The following KCNIP1 variants were observed in gnomAD, a reference collection of about 807,000 sequenced individuals.
KCNIP1 encodes the protein potassium voltage-gated channel interacting protein 1, also known as A-type potassium channel modulatory protein KCNIP1.
In KCNIP1, 18 loss-of-function variants were observed where a neutral mutation model predicts 33.0. The ratio of observed to expected loss-of-function variants is 0.55; its 90% CI spans 0.38 to 0.81. KCNIP1 has a LOEUF of 0.81. Among genes scored for constraint, KCNIP1 ranks in the 30% least tolerant of loss-of-function variants. KCNIP1 has a pLI of 0.00. For synonymous variants in KCNIP1, 93 were observed against 98.3 expected, an observed-to-expected ratio of 0.95 and a Z score of 0.32; for missense variants, 238 against 271.6, an observed-to-expected ratio of 0.88 and a Z score of 0.87.
At chr5:170,385,268 C>G in intron 1 of KCNIP1, 1 of 1,611,102 alleles carries the variant, frequency 6.2e-7, no homozygotes, top group Non-Finnish European at 8.5e-7. Flanking sequence ...GATGCCAGAC[C>G]CTTAGGAGAG....
At chr5:170,642,096 C>G (rs187092831) in intron 1 of KCNIP1, 1 of 152,272 alleles carries the variant, frequency 6.6e-6, no homozygotes, top group African/African-American at 2.4e-5. Flanking sequence ...TTTGGAGGGC[C>G]GGGCTTCTGA....
At chr5:170,531,465 CA>C (rs1755785725) in intron 1 of KCNIP1, among the ~76,000 whole-genome samples, 1 of 152,198 alleles carries the variant, frequency 6.6e-6, no homozygotes, top group Non-Finnish European at 1.5e-5. Flanking sequence ...TCACACAAGA[CA>C]GAAGTGCCTA....
At chr5:170,696,119 TCA>T (rs1762884072) in intron 1 of KCNIP1, among the ~76,000 whole-genome samples, 1 of 152,114 alleles carries the variant, frequency 6.6e-6, no homozygotes, top group Non-Finnish European at 1.5e-5. Context: ...CCTTTATGCT[TCA>T]CCTCGTAGTG....
intron 1 of KCNIP1, among the ~76,000 whole-genome samples, chr5:170,630,356 G>C (rs1357459209): frequency 3.3e-5 from 5 of 152,216 alleles, no homozygotes; most frequent in Non-Finnish European, 7.3e-5. Context: ...TGCATTCATT[G>C]TTCCTACTGT....
chr5:170,733,020 A>G, intron 6 of KCNIP1, 116 bp downstream of exon 6: 2 of 616,000 alleles, frequency 3.2e-6, no homozygotes, highest in Non-Finnish European at 5.9e-6. Flanking sequence ...TGGTAACAGA[A>G]AAGAATTATA....
intron 1 of KCNIP1, among the ~76,000 whole-genome samples, chr5:170,465,588 G>A (rs1756591916): frequency 6.6e-6 from 1 of 152,156 alleles, no homozygotes; most frequent in Non-Finnish European, 1.5e-5. Flanking sequence ...AATCTCAAGG[G>A]ACAGTCCACT....
At chr5:170,506,934 G>C (rs1754740229) in intron 1 of KCNIP1, among the ~76,000 whole-genome samples, 1 of 152,232 alleles carries the variant, frequency 6.6e-6, no homozygotes, top group Non-Finnish European at 1.5e-5. Context: ...CCTTCTATGG[G>C]AGGCAGCTTG....
At chr5:170,386,531 G>A (rs921542968) in intron 1 of KCNIP1, among the ~76,000 whole-genome samples, 2 of 152,128 alleles carry the variant, frequency 1.3e-5, no homozygotes, top group Non-Finnish European at 2.9e-5. Context: ...CTCCTTCCAC[G>A]GCACTTATCT....
At chr5:170,554,983 G>C (rs1237316307) in intron 1 of KCNIP1, among the ~76,000 whole-genome samples, 1 of 152,206 alleles carries the variant, frequency 6.6e-6, no homozygotes, top group Non-Finnish European at 1.5e-5. Flanking sequence ...GATTTGAGAA[G>C]CTGGCTGGCG....
intron 1 of KCNIP1, among the ~76,000 whole-genome samples, chr5:170,623,827 A>T (rs1759708537): frequency 6.6e-6 from 1 of 152,184 alleles, no homozygotes; most frequent in Non-Finnish European, 1.5e-5. Context: ...TCATTTGGAC[A>T]CTGGGAGGTC....
At chr5:170,728,733 C>G (rs916725859) in intron 5 of KCNIP1, among the ~76,000 whole-genome samples, 27 of 151,932 alleles carry the variant, frequency 1.8e-4, no homozygotes, top group African/African-American at 6.5e-4. Flanking sequence ...CAATTCTTCT[C>G]TAATTAAATT....
In KCNIP1 at chr5:170,383,590, T is replaced by C. The variant is rs1373731481; in HGVS notation, c.88+29626T>C. The C allele has an allele frequency of 2.1e-6, 3 of 1,454,548 alleles. No homozygotes were observed. In the South Asian group the frequency reaches 3.5e-5, roughly 17 times the overall value. The allele number at this position is 1,454,548 out of a possible 1,614,324, so 90.1% of individuals were successfully genotyped here. Reference sequence around the variant, plus strand: ...AGACCTGGTCAAGTGGGTTGATCTTTCTCAGCCTCGGGGACAGGGACAGTT... The same window carrying C: ...AGACCTGGTCAAGTGGGTTGATCTTCCTCAGCCTCGGGGACAGGGACAGTT... On this transcript the variant is annotated intron_variant, in intron 1 of 7. Transcript: ENST00000377360.
chr5:170,356,279 T>A (rs1763345867), intron 1 of KCNIP1, among the ~76,000 whole-genome samples: 1 of 152,218 alleles, frequency 6.6e-6, no homozygotes, highest in South Asian at 2.1e-4. Flanking sequence ...GGAGAGGGAT[T>A]TTTCTTTGTC....
At chr5:170,516,292 T>C (rs962319197) in intron 1 of KCNIP1, among the ~76,000 whole-genome samples, 2 of 152,176 alleles carry the variant, frequency 1.3e-5, no homozygotes, top group Non-Finnish European at 2.9e-5. Context: ...AACTTACTAT[T>C]TGTCCCCATG....
chr5:170,415,132 T>A (rs1341506464), intron 1 of KCNIP1, among the ~76,000 whole-genome samples: 1 of 152,230 alleles, frequency 6.6e-6, no homozygotes, highest in Admixed American at 6.5e-5. Flanking sequence ...GTAGACGCCA[T>A]GATAATCAAT....
chr5:170,554,587 G>C (rs1298615792), intron 1 of KCNIP1, among the ~76,000 whole-genome samples: 2 of 152,194 alleles, frequency 1.3e-5, no homozygotes, highest in African/African-American at 2.4e-5. Flanking sequence ...GCCAGATTTG[G>C]GGCTGAGCCG....
chr5:170,491,144 C>T (rs1757195886), intron 1 of KCNIP1, among the ~76,000 whole-genome samples: 1 of 152,124 alleles, frequency 6.6e-6, no homozygotes, highest in Admixed American at 6.5e-5. Flanking sequence ...CCGGACCTCC[C>T]CTCCCTCTGA....
chr5:170,620,882 C>T (rs1026368088), intron 1 of KCNIP1, among the ~76,000 whole-genome samples: 2 of 152,126 alleles, frequency 1.3e-5, no homozygotes, highest in African/African-American at 4.8e-5. Context: ...AGGGCCCTCC[C>T]CAAGGATGCA....
At chr5:170,361,174 T>A (rs1324694802) in intron 1 of KCNIP1, among the ~76,000 whole-genome samples, 1 of 152,168 alleles carries the variant, frequency 6.6e-6, no homozygotes, top group Non-Finnish European at 1.5e-5. Flanking sequence ...TTCCCCGTTG[T>A]CCACCTGCAC....
Sources: allele counts gnomAD v4.1 joint callset (sites outside exome capture counted in the v4.1 genomes callset), GRCh38; gene constraint gnomAD v4.1.1; transcripts MANE v1.5; gene names NCBI Gene and HGNC (gene_info 2026-07-23, HGNC 2026-07-21).